The following APBA2 variants were observed in gnomAD, a reference collection of about 807,000 sequenced individuals.
APBA2 encodes amyloid-beta A4 precursor protein-binding family A member 2.
APBA2 carries 30 observed loss-of-function variants against 75.0 expected under a neutral mutation model. That is an observed-to-expected ratio of 0.40 (90% confidence interval 0.30 to 0.54). The LOEUF (loss-of-function observed/expected upper bound fraction) is 0.54, where lower values mean the gene tolerates loss of function less well. Ranked by LOEUF, APBA2 falls within the 20% of genes least tolerant of loss-of-function variation. The pLI is 0.49. For missense variants in APBA2, 801 were observed against 1,016.1 expected (o/e 0.79, Z 2.88); for synonymous variants, 444 against 409.6 (o/e 1.08, Z -1.01).
At chr15:28,926,242 T>TC (rs2034252034) in intron 2 of APBA2, among the ~76,000 whole-genome samples, 1 of 152,222 alleles carries the variant, frequency 6.6e-6, no homozygotes, top group Admixed American at 6.5e-5. Flanking sequence ...TGCCAGAGAC[T>TC]TCTTTTTCTC....
At chr15:29,071,074 A>T (rs946306847) in intron 4 of APBA2, 1 of 456,528 alleles carries the variant, frequency 2.2e-6, no homozygotes, top group East Asian at 7.0e-5. Context: ...AAGCATCCTG[A>T]CTATGTTGAC....
At chr15:28,932,294 G>GT (rs1261560079) in intron 2 of APBA2, among the ~76,000 whole-genome samples, 1 of 152,140 alleles carries the variant, frequency 6.6e-6, no homozygotes, top group African/African-American at 2.4e-5. Flanking sequence ...ACAGCATGGG[G>GT]TGCTGGCTTC....
rs540117581 is a variant in APBA2 at position 29,113,977 on chromosome 15, C to T, written c.2139C>T (p.His713=). Residue 713 remains histidine, a synonymous_variant, in exon 14 of 15, where the codon CAC becomes CAT. Coordinates refer to ENST00000683413, the MANE Select transcript of APBA2 (RefSeq NM_001353788.2). ...GGCAGAGCGTGGTGGCCACAGCCCA[C>T]GAGAAGATAGTCCAAGCTCTGTCCA... is the stretch of plus-strand genomic sequence containing the variant. ...INGQSVVATA[H]EKIVQALSNS... 156 of 1,613,784 alleles carry T rather than the reference C, an allele frequency of 9.7e-5. No individual in the cohort carries two copies. The highest frequency in any genetic ancestry group is 2.3e-4 in the South Asian group (21 of 91,082).
At chr15:28,895,229 G>A (rs975191705) in intron 1 of APBA2, among the ~76,000 whole-genome samples, 5 of 152,220 alleles carry the variant, frequency 3.3e-5, no homozygotes, top group African/African-American at 1.2e-4. Context: ...GTGTGCAGGG[G>A]TGTGGGTGAC....
intron 2 of APBA2, among the ~76,000 whole-genome samples, chr15:28,934,975 G>A (rs2034775012): frequency 6.6e-6 from 1 of 152,198 alleles, no homozygotes; most frequent in African/African-American, 2.4e-5. Context: ...ATGAGGGCAG[G>A]GGTTCTCAGT....
rs191710245 is a variant in APBA2, at chr15:29,052,237, C to T, written c.-40-1608C>T. 2.3e-3 allele frequency among the ~76,000 whole-genome samples: 346 copies of T among 151,980 alleles called. 2 individuals are homozygous for T. Among genetic ancestry groups the T allele is most frequent in the African/African-American group, 8.1e-3 (336 of 41,394 alleles). ...TTTAGAGGCCGAGGTGGGCGGATCACGAGGTCAGGAGATCGTGACCATCCT... is the reference window on the plus strand; with the variant it reads ...TTTAGAGGCCGAGGTGGGCGGATCATGAGGTCAGGAGATCGTGACCATCCT... On this transcript the variant is annotated intron_variant, in intron 3 of 14. Coordinates refer to ENST00000683413, the MANE Select transcript of APBA2 (RefSeq NM_001353788.2).
At chr15:29,105,217 G>T (rs2044333153) in intron 10 of APBA2, among the ~76,000 whole-genome samples, 162 bp from the exon 11 acceptor site, 1 of 152,182 alleles carries the variant, frequency 6.6e-6, no homozygotes, top group Admixed American at 6.5e-5. Context: ...TCAGATGAGG[G>T]AGGGCCCCCA....
chr15:28,959,073 C>G (rs2036326611), intron 2 of APBA2, among the ~76,000 whole-genome samples: 1 of 152,172 alleles, frequency 6.6e-6, no homozygotes, highest in African/African-American at 2.4e-5. Context: ...ACTGCAACCT[C>G]CACCTCCTGG....
intron 2 of APBA2, among the ~76,000 whole-genome samples, chr15:28,973,803 G>T (rs1396420750): frequency 1.3e-5 from 2 of 152,192 alleles, no homozygotes; most frequent in South Asian, 2.1e-4. Flanking sequence ...CTCATTGATT[G>T]CCCTGCAGGT....
At chr15:28,948,892 G>T (rs965901684) in intron 2 of APBA2, among the ~76,000 whole-genome samples, 16 of 151,958 alleles carry the variant, frequency 1.1e-4, no homozygotes, top group Admixed American at 1.0e-3. Flanking sequence ...TGAGAGGCTG[G>T]GGGGTTGGTG....
At chr15:28,937,601 TC>T (rs2034950763) in intron 2 of APBA2, among the ~76,000 whole-genome samples, 1 of 152,108 alleles carries the variant, frequency 6.6e-6, no homozygotes, top group African/African-American at 2.4e-5. Context: ...TCTCTCCCAC[TC>T]CGGGCTTCAG....
chr15:28,908,057 G>A (rs182325842), intron 1 of APBA2, among the ~76,000 whole-genome samples: 217 of 152,264 alleles, frequency 1.4e-3, no homozygotes, highest in Admixed American at 4.4e-3. Flanking sequence ...GAAGTACCCC[G>A]TGAGTGCAGG....
rs398043111 is a variant in APBA2, at chr15:28,940,356, CAAAAAAAAAAAAAA to C, written c.-95+18625_-95+18638del. ...TGAAACCCCGTCTCTACTAAAAATA[CAAAAAAAAAAAAAA>C]AAAAAAAAAAAAAAAAATAGCGGGG... On this transcript the variant is annotated intron_variant, in intron 2 of 14. Coordinates refer to ENST00000683413, the MANE Select transcript of APBA2 (RefSeq NM_001353788.2). Among the ~76,000 whole-genome samples the C allele has an allele frequency of 1.3e-3, 49 of 38,452 alleles. 1 individual carries two copies. Among genetic ancestry groups the C allele is most frequent in the African/African-American group, 3.0e-3 (41 of 13,778 alleles). The allele number at this position is 38,452 out of a possible 152,430, so 25.2% of individuals were successfully genotyped here.
At chr15:29,060,082 C>A (rs2152900023) in intron 4 of APBA2, among the ~76,000 whole-genome samples, 1 of 152,250 alleles carries the variant, frequency 6.6e-6, no homozygotes, top group Non-Finnish European at 1.5e-5. Flanking sequence ...GCTTCAGTTC[C>A]AAGATGATTC....
intron 1 of APBA2, among the ~76,000 whole-genome samples, chr15:28,909,754 C>T (rs1315315639): frequency 2.0e-5 from 3 of 152,174 alleles, no homozygotes; most frequent in African/African-American, 7.2e-5. Context: ...CCAGCCTATC[C>T]GGGGCTTTGT....
At chr15:28,941,502 CAAAAA>C (rs72376564) in intron 2 of APBA2, among the ~76,000 whole-genome samples, 3 of 59,826 alleles carry the variant, frequency 5.0e-5, no homozygotes, top group Non-Finnish European at 6.8e-5. Flanking sequence ...ACTTGGGAGG[CAAAAA>C]AAAAAAAAAA....
intron 6 of APBA2, among the ~76,000 whole-genome samples, chr15:29,090,925 A>G (rs1287936379): frequency 2.0e-5 from 3 of 152,094 alleles, no homozygotes; most frequent in Non-Finnish European, 4.4e-5. Context: ...CAGGGCTGTC[A>G]TACACGCTCT....
chr15:29,042,543 C>T (rs1273560027), intron 3 of APBA2, among the ~76,000 whole-genome samples: 1 of 152,082 alleles, frequency 6.6e-6, no homozygotes, highest in Non-Finnish European at 1.5e-5. Context: ...CAGGAGTGAG[C>T]CACCACACCC....
At chr15:28,900,100 C>T (rs752629314) in intron 1 of APBA2, among the ~76,000 whole-genome samples, 10 of 152,106 alleles carry the variant, frequency 6.6e-5, no homozygotes, top group Non-Finnish European at 1.2e-4. Context: ...GGGACTGGGC[C>T]GTGGTCACGG....
Sources: allele counts gnomAD v4.1 joint callset (sites outside exome capture counted in the v4.1 genomes callset), GRCh38; gene constraint gnomAD v4.1.1; transcripts MANE v1.5; gene names NCBI Gene and HGNC (gene_info 2026-07-23, HGNC 2026-07-21).